The following NRXN3 variants were observed in gnomAD, a reference collection of about 807,000 sequenced individuals.
NRXN3 encodes the protein neurexin III.
In NRXN3, 32 loss-of-function variants were observed where a neutral mutation model predicts 137.6. The observed-to-expected ratio is 0.23, with a 90% CI of 0.18 to 0.31. The LOEUF (loss-of-function observed/expected upper bound fraction) is 0.31, where lower values mean the gene tolerates loss of function less well. NRXN3 is among the 10% of genes least tolerant of loss of function. The pLI, the probability that NRXN3 is intolerant of heterozygous loss-of-function variation, is 1.00. For synonymous variants in NRXN3, 798 were observed against 784.5 expected (o/e 1.02, Z -0.29); for missense variants, 1,574 against 2,062.5 (o/e 0.76, Z 4.59).
chr14:78,814,840 T>G (rs1399144170), intron 10 of NRXN3, among the ~76,000 whole-genome samples: 1 of 152,186 alleles, frequency 6.6e-6, no homozygotes, highest in Non-Finnish European at 1.5e-5. Context: ...TGCCTTTCCC[T>G]GTGATTTCCT....
intron 4 of NRXN3, among the ~76,000 whole-genome samples, chr14:78,559,118 A>AT (rs112524271): frequency 6.6e-6 from 1 of 151,982 alleles, no homozygotes; most frequent in Admixed American, 6.6e-5. Context: ...GGTTTTATTT[A>AT]TTTTTCCCTT....
At chr14:78,426,632 G>A (rs529920037) in intron 4 of NRXN3, among the ~76,000 whole-genome samples, 1 of 152,234 alleles carries the variant, frequency 6.6e-6, no homozygotes, top group South Asian at 2.1e-4. Flanking sequence ...AACAGTGTGA[G>A]GTAAGCATAG....
chr14:78,505,178 C>T (rs1344100360), intron 4 of NRXN3, among the ~76,000 whole-genome samples: 1 of 152,028 alleles, frequency 6.6e-6, no homozygotes, highest in East Asian at 1.9e-4. Flanking sequence ...TGAAGTCAAC[C>T]TACCTAGGAA....
intron 15 of NRXN3, among the ~76,000 whole-genome samples, chr14:79,130,505 C>A (rs2057304923): frequency 6.6e-6 from 1 of 151,788 alleles, no homozygotes; most frequent in Non-Finnish European, 1.5e-5. Context: ...TGAATATTGG[C>A]CCCCACTCTC....
chr14:78,541,746 T>A (rs1296573739), intron 4 of NRXN3, among the ~76,000 whole-genome samples: 5 of 152,194 alleles, frequency 3.3e-5, no homozygotes, highest in Non-Finnish European at 7.4e-5. Flanking sequence ...TCCCCACCTT[T>A]GTGCTTTCAT....
At chr14:78,957,191 A>G (rs775595699) in intron 10 of NRXN3, 51 bp from the exon 11 acceptor site, 9 of 1,601,184 alleles carry the variant, frequency 5.6e-6, no homozygotes, top group Admixed American at 1.7e-5. Flanking sequence ...CTGATGCATG[A>G]GCACTACTTT....
intron 15 of NRXN3, among the ~76,000 whole-genome samples, chr14:79,094,427 C>G (rs2049847676): frequency 6.6e-6 from 1 of 152,066 alleles, no homozygotes; most frequent in South Asian, 2.1e-4. Flanking sequence ...TTAAAGCAAC[C>G]CTTTGTAAGA....
intron 4 of NRXN3, among the ~76,000 whole-genome samples, chr14:78,480,934 G>T (rs901597334): frequency 2.6e-5 from 4 of 151,952 alleles, no homozygotes; most frequent in African/African-American, 9.7e-5. Context: ...ACCAGTCCAT[G>T]TTCCATCTTT....
intron 10 of NRXN3, among the ~76,000 whole-genome samples, chr14:78,818,192 C>G (rs1270652818): frequency 6.6e-6 from 1 of 151,824 alleles, no homozygotes; most frequent in East Asian, 1.9e-4. Flanking sequence ...TATACACACA[C>G]CTGCACACAC....
chr14:78,232,640 C>A (rs1476310707), intron 1 of NRXN3, among the ~76,000 whole-genome samples: 1 of 152,198 alleles, frequency 6.6e-6, no homozygotes, highest in African/African-American at 2.4e-5. Flanking sequence ...TTTCCCTCTC[C>A]ATTTTTTCTC....
At chr14:78,447,222 T>C (rs2094441996) in intron 4 of NRXN3, among the ~76,000 whole-genome samples, 1 of 152,244 alleles carries the variant, frequency 6.6e-6, no homozygotes, top group South Asian at 2.1e-4. Context: ...ATTCTGTCAT[T>C]CATATTTCAG....
At chr14:78,710,823 G>A (rs2887858) in intron 7 of NRXN3, among the ~76,000 whole-genome samples, 50,827 of 152,066 alleles carry the variant, frequency 0.33, 10,813 homozygotes, top group African/African-American at 0.61. Context: ...GGGCAGATGG[G>A]TGGCAGATTG....
chr14:78,308,398 G>T lies in NRXN3; in HGVS notation c.757+10538G>T, dbSNP rs2077589364. ...GTAATGTAGCATAGTCAAGACCATA[G>T]AACTGAAAGAGAACTGGGTCCCACA... On this transcript the variant is annotated intron_variant, in intron 4 of 20. Transcript: ENST00000335750. 2.6e-5 allele frequency among the ~76,000 whole-genome samples: 4 copies of T among 152,110 alleles called. No individual in the cohort carries two copies. The South Asian group carries it at 8.3e-4, about 31-fold the overall frequency.
At chr14:79,812,003 G>A (rs1285615384) in intron 20 of NRXN3, among the ~76,000 whole-genome samples, 1 of 152,138 alleles carries the variant, frequency 6.6e-6, no homozygotes, top group African/African-American at 2.4e-5. Flanking sequence ...GGTAAGAACA[G>A]AAATATAAGA....
chr14:79,365,663 G>A (rs1280741907), intron 15 of NRXN3, among the ~76,000 whole-genome samples: 5 of 143,568 alleles, frequency 3.5e-5, no homozygotes, highest in Non-Finnish European at 7.5e-5. Context: ...AGCTTGCAGT[G>A]AGCCGAGATT....
In NRXN3 at chr14:79,605,351, A is replaced by T. The variant is rs116552103; in HGVS notation, c.3445-58427A>T. Among the ~76,000 whole-genome samples, 1,232 of 152,188 alleles carry T rather than the reference A, an allele frequency of 8.1e-3. 9 individuals are homozygous for T. Among genetic ancestry groups the T allele is most frequent in the African/African-American group, 0.029 (1,184 of 41,508 alleles). On this transcript the variant is annotated intron_variant, in intron 16 of 20. Coordinates refer to ENST00000335750, the MANE Select transcript of NRXN3 (RefSeq NM_001330195.2). ...TTTCATCAGAAATTTTAATAAAATT[A>T]TTTTTTTCTCAGATGACTTCCCGCA...
At chr14:78,462,662 G>A (rs1422030029) in intron 4 of NRXN3, among the ~76,000 whole-genome samples, 1 of 152,092 alleles carries the variant, frequency 6.6e-6, no homozygotes, top group Non-Finnish European at 1.5e-5. Context: ...TACTTTCATT[G>A]TTACATATTA....
chr14:78,821,235 A>C (rs947047521), intron 10 of NRXN3, among the ~76,000 whole-genome samples: 3 of 152,194 alleles, frequency 2.0e-5, no homozygotes, highest in Non-Finnish European at 4.4e-5. Flanking sequence ...AGGAGATGAC[A>C]GAGAAATGAA....
intron 8 of NRXN3, among the ~76,000 whole-genome samples, chr14:78,779,167 A>G (rs1437692970): frequency 6.6e-6 from 1 of 152,100 alleles, no homozygotes; most frequent in Non-Finnish European, 1.5e-5. Flanking sequence ...CGGTATTTTA[A>G]AAAATACATC....
Sources: allele counts gnomAD v4.1 joint callset (sites outside exome capture counted in the v4.1 genomes callset), GRCh38; gene constraint gnomAD v4.1.1; transcripts MANE v1.5; gene names NCBI Gene and HGNC (gene_info 2026-07-23, HGNC 2026-07-21).